The following KIAA0319L variants were observed in gnomAD, a reference collection of about 807,000 sequenced individuals.
KIAA0319L encodes KIAA0319 like.
A neutral mutation model predicts 120.1 loss-of-function variants in KIAA0319L; 55 were observed. That is an observed-to-expected ratio of 0.46 (90% CI 0.37 to 0.57). The LOEUF is 0.57. KIAA0319L is among the 20% of genes least tolerant of loss of function. The pLI, the probability that KIAA0319L is intolerant of heterozygous loss-of-function variation, is 0.00. For missense variants in KIAA0319L, 1,049 were observed against 1,255.3 expected (o/e 0.84, Z 2.48); for synonymous variants, 398 against 471.9 (o/e 0.84, Z 2.03).
intron 18 of KIAA0319L, among the ~76,000 whole-genome samples, chr1:35,442,564 G>T (rs1436466156): frequency 6.6e-6 from 1 of 152,180 alleles, no homozygotes; most frequent in Non-Finnish European, 1.5e-5. Context: ...TGCAGCAGTG[G>T]TGCAGGCTGA....
chr1:35,520,754 A>G (rs540122727), intron 2 of KIAA0319L, among the ~76,000 whole-genome samples: 15 of 152,196 alleles, frequency 9.9e-5, no homozygotes, highest in Middle Eastern at 3.4e-3. Flanking sequence ...CATCCATTCA[A>G]TAAGTGTTTT....
At chr1:35,541,333 CTTTTTTTTTTTTTTCCTTT>C (rs1351354405) in intron 2 of KIAA0319L, among the ~76,000 whole-genome samples, 1 of 117,344 alleles carries the variant, frequency 8.5e-6, no homozygotes, top group Non-Finnish European at 1.8e-5. Context: ...CAAGCTACTT[CTTTTTTTTTTTTTTCCTTT>C]TTTTTTTTTT....
At chr1:35,442,174 G>T in intron 19 of KIAA0319L, 72 bp downstream of exon 19, 1 of 1,171,458 alleles carries the variant, frequency 8.5e-7, no homozygotes, top group Non-Finnish European at 1.3e-6. Flanking sequence ...CGTGGAAGGT[G>T]CCAAATACCT....
At position 35,454,383 on chromosome 1, in the gene KIAA0319L, C is replaced by T; in HGVS notation, c.1759G>A (p.Val587Met). ...DTIGQQATAQVTVIVQPENNK... is the reference protein window; with the variant it reads ...DTIGQQATAQMTVIVQPENNK... The stretch of plus-strand genomic sequence containing the variant: ...TTACCAGGTTGCACAATAACAGTCA[C>T]TTGAGCAGTGGCCTGCTGTCCTATT... Residue 587 changes from valine (V) to methionine (M), a missense_variant, in exon 11 of 21, where the codon GTG becomes ATG. By Grantham distance (21) the Val-to-Met change is conservative. Coordinates refer to ENST00000325722, the MANE Select transcript of KIAA0319L (RefSeq NM_024874.5). 1.2e-6 allele frequency: 2 copies of T among 1,614,036 alleles called. No homozygotes were observed. Among genetic ancestry groups the T allele is most frequent in the Non-Finnish European group, 1.7e-6 (2 of 1,179,908 alleles).
At chr1:35,465,401 C>G (rs188375748) in intron 7 of KIAA0319L, among the ~76,000 whole-genome samples, 16 of 152,348 alleles carry the variant, frequency 1.1e-4, no homozygotes, top group African/African-American at 3.6e-4. Flanking sequence ...TCTGCACTTG[C>G]ATGGGGCCTG....
At chr1:35,483,156 A>C (rs1333286237) in intron 3 of KIAA0319L, among the ~76,000 whole-genome samples, 1 of 152,210 alleles carries the variant, frequency 6.6e-6, no homozygotes, top group African/African-American at 2.4e-5. Flanking sequence ...CCTTTGTCAG[A>C]CATATAATTT....
chr1:35,464,663 T>A (rs1042439338), intron 7 of KIAA0319L, among the ~76,000 whole-genome samples: 6 of 152,156 alleles, frequency 3.9e-5, no homozygotes, highest in Non-Finnish European at 7.3e-5. Flanking sequence ...TGAAAGTTAA[T>A]CCCCAAGAAA....
intron 16 of KIAA0319L, among the ~76,000 whole-genome samples, chr1:35,445,346 G>A (rs1641541232): frequency 6.6e-6 from 1 of 152,226 alleles, no homozygotes; most frequent in African/African-American, 2.4e-5. Flanking sequence ...TAAAGGATGT[G>A]TGGTCCGTTG....
intron 2 of KIAA0319L, chr1:35,533,153 C>T (rs964262823): frequency 6.6e-6 from 1 of 152,204 alleles, no homozygotes; most frequent in Non-Finnish European, 1.5e-5. Flanking sequence ...AAAGACAGTG[C>T]TGTTGGCTCT....
chr1:35,475,989 G>A (rs747834340), intron 4 of KIAA0319L, among the ~76,000 whole-genome samples: 2 of 152,146 alleles, frequency 1.3e-5, no homozygotes, highest in African/African-American at 4.8e-5. Flanking sequence ...TCTAAATACA[G>A]CATTTTGTTT....
chr1:35,490,699 T>G (rs1285081398), intron 3 of KIAA0319L, among the ~76,000 whole-genome samples: 1 of 152,214 alleles, frequency 6.6e-6, no homozygotes, highest in Non-Finnish European at 1.5e-5. Context: ...TTACAATGTT[T>G]GATATTAAAG....
chr1:35,475,674 C>T (rs1643879486), intron 4 of KIAA0319L, among the ~76,000 whole-genome samples: 1 of 152,120 alleles, frequency 6.6e-6, no homozygotes, highest in Non-Finnish European at 1.5e-5. Context: ...TATCTTCCCT[C>T]TGCTAGCTCT....
chr1:35,550,505 T>C (rs1235828443), intron 2 of KIAA0319L, among the ~76,000 whole-genome samples: 1 of 152,200 alleles, frequency 6.6e-6, no homozygotes, highest in Non-Finnish European at 1.5e-5. Context: ...AATACAAGTA[T>C]ACCAAAGAAA....
intron 3 of KIAA0319L, among the ~76,000 whole-genome samples, chr1:35,484,799 TA>T (rs1458769035): frequency 0.072 from 4,048 of 56,558 alleles, 190 homozygotes; most frequent in East Asian, 0.2. Context: ...TATATATATA[TA>T]TATATATTTT....
Position 35,462,108 on chromosome 1 carries a change from ATGACACTACTC to A in KIAA0319L, c.1294+502_1294+512del, listed in dbSNP as rs576630827. ...AAAATCCTCTCATGTCACTCACTGG[ATGACACTACTC>A]TGAAGAGTAAAATGTTAAGAAGCCC... On this transcript the variant is annotated intron_variant, in intron 8 of 20. Transcript: ENST00000325722. Among the ~76,000 whole-genome samples, 17 of 152,320 alleles carry A rather than the reference ATGACACTACTC, an allele frequency of 1.1e-4. 1 individual carries two copies. In the South Asian group the frequency reaches 3.5e-3, roughly 32 times the overall value.
At chr1:35,472,340 G>A (rs1000003016) in intron 5 of KIAA0319L, among the ~76,000 whole-genome samples, 2 of 152,196 alleles carry the variant, frequency 1.3e-5, no homozygotes, top group East Asian at 1.9e-4. Flanking sequence ...TGCCCAGGCT[G>A]GAGTGCAGTG....
intron 2 of KIAA0319L, among the ~76,000 whole-genome samples, chr1:35,517,468 C>T (rs1193908454): frequency 1.3e-5 from 2 of 152,126 alleles, no homozygotes; most frequent in Admixed American, 6.6e-5. Context: ...GAGGAAAAGA[C>T]ACCTTACTCA....
At chr1:35,470,822 T>C in intron 6 of KIAA0319L, 41 bp downstream of exon 6, 3 of 1,187,404 alleles carry the variant, frequency 2.5e-6, no homozygotes, top group Non-Finnish European at 3.8e-6. Flanking sequence ...AACAGTCAAC[T>C]CCTCTACCTT....
intron 2 of KIAA0319L, among the ~76,000 whole-genome samples, chr1:35,548,121 G>GAA (rs541658700): frequency 4.5e-5 from 6 of 133,750 alleles, no homozygotes; most frequent in Middle Eastern, 3.4e-3. Flanking sequence ...ACTCTGTCTC[G>GAA]AAAAAAAAAA....
Sources: gnomAD v4.1 joint callset for allele counts (sites outside exome capture counted in the v4.1 genomes callset) on GRCh38, gnomAD v4.1.1 for gene constraint, MANE v1.5 for transcripts, NCBI Gene and HGNC (gene_info 2026-07-23, HGNC 2026-07-21) for gene names.